RPS6KC1: variants seen among roughly 807,000 people sequenced by gnomAD.
The protein encoded by RPS6KC1 is ribosomal protein S6 kinase C1.
RPS6KC1 carries 54 observed loss-of-function variants against 103.8 expected under a neutral mutation model. That is an observed-to-expected ratio of 0.52 (90% confidence interval 0.42 to 0.65). RPS6KC1 has a LOEUF of 0.65. Ranked by LOEUF, RPS6KC1 falls within the 30% of genes least tolerant of loss-of-function variation. The pLI, the probability that RPS6KC1 is intolerant of heterozygous loss-of-function variation, is 0.00. For synonymous variants in RPS6KC1, 439 were observed against 438.7 expected, an observed-to-expected ratio of 1.00 and a Z score of -0.01; for missense variants, 1,151 against 1,253.8, an observed-to-expected ratio of 0.92 and a Z score of 1.24.
the RPS6KC1 span, among the ~76,000 whole-genome samples, chr1:213,770,646 A>T: frequency 2.0e-5 from 3 of 152,324 alleles, no homozygotes; most frequent in South Asian, 6.2e-4. Flanking sequence ...ATTGGCAACC[A>T]GTAGGGTTAA....
rs758078436 is a variant in RPS6KC1, at chr1:213,129,895, G to A, written c.835+6G>A. The A allele has an allele frequency of 1.9e-6, 3 of 1,576,208 alleles. No individual in the cohort carries two copies. Among genetic ancestry groups the A allele is most frequent in the East Asian group, 4.5e-5 (2 of 44,742 alleles). On this transcript the variant is annotated splice_donor_region_variant and intron_variant, in intron 6 of 14. Coordinates refer to ENST00000366960, the MANE Select transcript of RPS6KC1 (RefSeq NM_012424.6). ...ACTCCTAGAAGGTGTTCAAGGTATG[G>A]TTTTATGTATATTATGTTTTGGCAT...
chr1:213,624,861 C>T, the RPS6KC1 span, among the ~76,000 whole-genome samples: 2 of 152,146 alleles, frequency 1.3e-5, no homozygotes, highest in African/African-American at 4.8e-5. Context: ...CAAAGCCTCA[C>T]CTCCAAATAC....
the RPS6KC1 span, among the ~76,000 whole-genome samples, chr1:213,544,534 C>T: frequency 3.9e-5 from 6 of 152,168 alleles, no homozygotes; most frequent in African/African-American, 9.7e-5. Context: ...GTCATCCTTC[C>T]GTGGCCCCTC....
the RPS6KC1 span, among the ~76,000 whole-genome samples, chr1:213,677,890 C>A: frequency 6.6e-6 from 1 of 151,924 alleles, no homozygotes; most frequent in Admixed American, 6.6e-5. Flanking sequence ...CCTGTAATCC[C>A]AGCTACTCGG....
chr1:213,467,459 G>A, the RPS6KC1 span, among the ~76,000 whole-genome samples: 1 of 152,226 alleles, frequency 6.6e-6, no homozygotes, highest in South Asian at 2.1e-4. Context: ...TCAGCGAACT[G>A]TGTTCTTTGA....
At chr1:213,135,627 G>A (rs2086186079) in intron 6 of RPS6KC1, among the ~76,000 whole-genome samples, 1 of 152,056 alleles carries the variant, frequency 6.6e-6, no homozygotes, top group African/African-American at 2.4e-5. Flanking sequence ...TTTTGAAACT[G>A]GCTAGAAGGA....
At chr1:213,260,825 C>G (rs1456807253) in intron 12 of RPS6KC1, among the ~76,000 whole-genome samples, 1 of 150,440 alleles carries the variant, frequency 6.6e-6, no homozygotes, top group Non-Finnish European at 1.5e-5. Context: ...AAAGATGACA[C>G]CTGAAAACTC....
intron 2 of RPS6KC1, among the ~76,000 whole-genome samples, chr1:213,076,029 C>G (rs1265381841): frequency 6.6e-6 from 1 of 152,176 alleles, no homozygotes; most frequent in East Asian, 1.9e-4. Context: ...GATGTGTTGG[C>G]TTATTCTTCC....
the RPS6KC1 span, among the ~76,000 whole-genome samples, chr1:213,305,785 C>A: frequency 1.3e-5 from 2 of 152,328 alleles, no homozygotes; most frequent in Admixed American, 1.3e-4. Flanking sequence ...CTTGTTCTTA[C>A]CAGCTCATCT....
In RPS6KC1 at chr1:213,067,613, T is replaced by C. The variant is rs538817987; in HGVS notation, c.106-3393T>C. ...TCTTTTGCTTAGCACTCTACTGTTA[T>C]CTGAGGTATGGAAATATGTTTGGGA... On this transcript the variant is annotated intron_variant, in intron 1 of 14. Transcript: ENST00000366960. 5.3e-5 allele frequency among the ~76,000 whole-genome samples: 8 copies of C among 152,202 alleles called. No individual in the cohort carries two copies. In the South Asian group the frequency reaches 6.2e-4, roughly 12 times the overall value.
At chr1:213,123,273 G>A (rs1253263311) in intron 5 of RPS6KC1, among the ~76,000 whole-genome samples, 1 of 152,180 alleles carries the variant, frequency 6.6e-6, no homozygotes, top group Admixed American at 6.5e-5. Flanking sequence ...CTGGAGGCTA[G>A]AGAAAGTTAT....
At chr1:213,552,948 T>C in the RPS6KC1 span, among the ~76,000 whole-genome samples, 7 of 152,338 alleles carry the variant, frequency 4.6e-5, no homozygotes, top group East Asian at 1.2e-3. Flanking sequence ...TGCAGTATGG[T>C]ACCCCATAAT....
chr1:213,188,548 GA>G (rs1388316007), intron 8 of RPS6KC1, among the ~76,000 whole-genome samples: 2 of 152,066 alleles, frequency 1.3e-5, no homozygotes, highest in African/African-American at 2.4e-5. Context: ...TTCTATTGGA[GA>G]GGGGGGCGTG....
intron 5 of RPS6KC1, among the ~76,000 whole-genome samples, chr1:213,127,955 T>C (rs1413407583): frequency 6.6e-6 from 1 of 152,222 alleles, no homozygotes; most frequent in Non-Finnish European, 1.5e-5. Flanking sequence ...CCAATGGATT[T>C]GAATGTAACA....
the RPS6KC1 span, among the ~76,000 whole-genome samples, chr1:213,298,978 T>C: frequency 4.6e-5 from 7 of 152,188 alleles, no homozygotes; most frequent in Non-Finnish European, 8.8e-5. Flanking sequence ...CTATTCAGTG[T>C]CAGGTAGGGC....
intron 10 of RPS6KC1, among the ~76,000 whole-genome samples, chr1:213,239,846 T>G (rs2094310881): frequency 1.3e-5 from 2 of 152,224 alleles, no homozygotes; most frequent in South Asian, 4.1e-4. Flanking sequence ...AGCAGGTTTT[T>G]GGTACTTAGC....
intron 1 of RPS6KC1, among the ~76,000 whole-genome samples, chr1:213,053,295 G>A (rs541949144): frequency 6.6e-6 from 1 of 152,212 alleles, no homozygotes; most frequent in Non-Finnish European, 1.5e-5. Context: ...TTGCATGTCT[G>A]TGTCTCTTAG....
chr1:213,170,754 G>A (rs1376584513), intron 7 of RPS6KC1, among the ~76,000 whole-genome samples: 3 of 152,170 alleles, frequency 2.0e-5, no homozygotes, highest in Admixed American at 6.5e-5. Context: ...TTGGCCAAGA[G>A]CATCCTTGAT....
chr1:213,760,831 A>T, the RPS6KC1 span, among the ~76,000 whole-genome samples: 1 of 149,890 alleles, frequency 6.7e-6, no homozygotes, highest in Non-Finnish European at 1.5e-5. Context: ...TAACTGTGTC[A>T]GGAAAGTGTG....
Sources: allele counts gnomAD v4.1 joint callset (sites outside exome capture counted in the v4.1 genomes callset), GRCh38; gene constraint gnomAD v4.1.1; transcripts MANE v1.5; gene names NCBI Gene and HGNC (gene_info 2026-07-23, HGNC 2026-07-21).